The following CSMD2 variants were observed in gnomAD, a reference collection of about 807,000 sequenced individuals.
CSMD2 encodes CUB and Sushi multiple domains 2.
A neutral mutation model predicts 398.5 loss-of-function variants in CSMD2; 130 were observed. The observed-to-expected ratio is 0.33, with a 90% CI of 0.28 to 0.38. CSMD2 has a LOEUF of 0.38. CSMD2 is among the 10% of genes least tolerant of loss of function. CSMD2 has a pLI of 1.00. For synonymous variants in CSMD2, 1,828 were observed against 1,908.5 expected (o/e 0.96, Z 1.10); for missense variants, 3,829 against 4,764.9 (o/e 0.80, Z 5.78).
intron 1 of CSMD2, among the ~76,000 whole-genome samples, chr1:34,139,308 A>G (rs537444771): frequency 5.3e-5 from 8 of 152,190 alleles, no homozygotes; most frequent in African/African-American, 1.7e-4. Flanking sequence ...GGACTGGCAC[A>G]CTCAGCCCCC....
chr1:34,134,026 C>A (rs1364448260), intron 1 of CSMD2, among the ~76,000 whole-genome samples: 2 of 143,048 alleles, frequency 1.4e-5, no homozygotes, highest in African/African-American at 5.4e-5. Flanking sequence ...ACACTCCAGC[C>A]TGGGTGACAG....
intron 4 of CSMD2, among the ~76,000 whole-genome samples, chr1:33,927,021 T>C (rs1167503874): frequency 6.6e-6 from 1 of 152,154 alleles, no homozygotes; most frequent in Admixed American, 6.5e-5. Context: ...GTTCATATCA[T>C]CTTCCCCAGG....
intron 22 of CSMD2, among the ~76,000 whole-genome samples, chr1:33,706,926 G>A (rs955350077): frequency 6.6e-6 from 1 of 151,982 alleles, no homozygotes; most frequent in Non-Finnish European, 1.5e-5. Context: ...CACTACCTGG[G>A]CTCCTGCATC....
chr1:33,718,422 A>G (rs1026314055), intron 19 of CSMD2, among the ~76,000 whole-genome samples: 12 of 152,246 alleles, frequency 7.9e-5, no homozygotes, highest in South Asian at 4.1e-4. Flanking sequence ...TTGATGTGAC[A>G]GATGCACACA....
chr1:33,986,021 C>T (rs1646347498), intron 3 of CSMD2, among the ~76,000 whole-genome samples: 1 of 152,272 alleles, frequency 6.6e-6, no homozygotes, highest in Admixed American at 6.5e-5. Context: ...AGTCTGACTG[C>T]CCCAACCCAG....
intron 25 of CSMD2, among the ~76,000 whole-genome samples, chr1:33,676,535 C>A (rs551093862): frequency 1.4e-4 from 21 of 152,262 alleles, no homozygotes; most frequent in Admixed American, 7.9e-4. Context: ...CCATACTGCC[C>A]AACGTAATTT....
At chr1:33,564,950 T>G (rs1658917504) in intron 53 of CSMD2, among the ~76,000 whole-genome samples, 1 of 152,202 alleles carries the variant, frequency 6.6e-6, no homozygotes, top group Non-Finnish European at 1.5e-5. Flanking sequence ...ATAACAGTGA[T>G]TGCCTAAATC....
chr1:33,897,804 A>C (rs1570435242), intron 5 of CSMD2, among the ~76,000 whole-genome samples: 1 of 152,226 alleles, frequency 6.6e-6, no homozygotes, highest in East Asian at 1.9e-4. Flanking sequence ...AGGTTTGATA[A>C]ACATGTATCA....
chr1:34,035,192 T>C (rs1192227876), intron 2 of CSMD2, among the ~76,000 whole-genome samples: 1 of 152,142 alleles, frequency 6.6e-6, no homozygotes, highest in Non-Finnish European at 1.5e-5. Flanking sequence ...AATAGCCCTA[T>C]AACTATTAAG....
At chr1:33,967,687 C>T (rs1570661012) in intron 3 of CSMD2, among the ~76,000 whole-genome samples, 1 of 152,130 alleles carries the variant, frequency 6.6e-6, no homozygotes, top group African/African-American at 2.4e-5. Flanking sequence ...GGGGCCTTCC[C>T]GATGAGAGTA....
chr1:33,878,180 T>A (rs1361004292), intron 5 of CSMD2: 1 of 152,240 alleles, frequency 6.6e-6, no homozygotes, highest in East Asian at 1.9e-4. Flanking sequence ...CCAGGAGCCA[T>A]CCCGTGAGGC....
intron 5 of CSMD2, among the ~76,000 whole-genome samples, chr1:33,903,225 A>G (rs1642866569): frequency 6.6e-6 from 1 of 152,160 alleles, no homozygotes; most frequent in African/African-American, 2.4e-5. Flanking sequence ...GTTTGAGCCT[A>G]ATTGATTTCT....
chr1:33,675,397 A>G (rs955929443), intron 25 of CSMD2, among the ~76,000 whole-genome samples: 3 of 152,238 alleles, frequency 2.0e-5, no homozygotes, highest in Admixed American at 6.5e-5. Context: ...CACCCTCCCA[A>G]GACTAAACCA....
At chr1:33,811,635 T>A (rs1199198550) in intron 9 of CSMD2, among the ~76,000 whole-genome samples, 2 of 152,226 alleles carry the variant, frequency 1.3e-5, no homozygotes, top group Admixed American at 1.3e-4. Flanking sequence ...CAAGTAGATA[T>A]AAAGTGTTAT....
Position 33,589,433 on chromosome 1 carries a change from G to C in CSMD2, c.6857-2265C>G, listed in dbSNP as rs992639779. The stretch of plus-strand genomic sequence containing the variant: ...ACAGAACTTAGGCCCCACTGGGAGA[G>C]ATAGTCGTCTGTTTTAATCTTTGTT... On this transcript the variant is annotated intron_variant, in intron 44 of 70. Coordinates refer to ENST00000373381, the MANE Select transcript of CSMD2 (RefSeq NM_001281956.2). Among the ~76,000 whole-genome samples, 8 of 152,338 alleles carry C rather than the reference G, an allele frequency of 5.3e-5. No homozygotes were observed. In the South Asian group the frequency reaches 1.7e-3, roughly 32 times the overall value.
At chr1:33,832,799 TA>T (rs1440799121) in intron 6 of CSMD2, among the ~76,000 whole-genome samples, 1 of 151,342 alleles carries the variant, frequency 6.6e-6, no homozygotes, top group Non-Finnish European at 1.5e-5. Context: ...ACAGACACAA[TA>T]AAAAATGATA....
intron 44 of CSMD2, chr1:33,599,833 C>T (rs919764420): frequency 3.2e-5 from 9 of 278,720 alleles, no homozygotes; most frequent in Non-Finnish European, 4.7e-5. Flanking sequence ...CTCTCTGTTG[C>T]TTCCTGTTTC....
intron 44 of CSMD2, among the ~76,000 whole-genome samples, chr1:33,597,269 C>CTTT (rs984321019): frequency 6.6e-6 from 1 of 151,516 alleles, no homozygotes; most frequent in African/African-American, 2.4e-5. Context: ...AGTCTAGCTC[C>CTTT]TTTTTTTTTC....
intron 13 of CSMD2, among the ~76,000 whole-genome samples, chr1:33,751,349 G>T (rs1648212022): frequency 6.6e-6 from 1 of 152,140 alleles, no homozygotes; most frequent in Non-Finnish European, 1.5e-5. Flanking sequence ...GAAGGAGGAA[G>T]GGACATCTGT....
Sources: allele counts gnomAD v4.1 joint callset (sites outside exome capture counted in the v4.1 genomes callset), GRCh38; gene constraint gnomAD v4.1.1; transcripts MANE v1.5; gene names NCBI Gene and HGNC (gene_info 2026-07-23, HGNC 2026-07-21).